The following KCNH1 variants were observed in gnomAD, a reference collection of about 807,000 sequenced individuals.
KCNH1 encodes the protein potassium voltage-gated channel subfamily H member 1, also known as voltage-gated delayed rectifier potassium channel KCNH1.
Under a neutral mutation model 69.2 loss-of-function variants are expected in KCNH1, and 27 were observed. The ratio of observed to expected loss-of-function variants is 0.39; its 90% CI spans 0.29 to 0.54. KCNH1 has a LOEUF of 0.54. KCNH1 is among the 20% of genes least tolerant of loss of function. The pLI is 0.68. For missense variants in KCNH1, 798 were observed against 1,261.6 expected (o/e 0.63, Z 5.57); for synonymous variants, 456 against 487.7 (o/e 0.93, Z 0.86).
At position 211,029,173 on chromosome 1, in the gene KCNH1, A is replaced by G. The variant is rs186884431; in HGVS notation, c.559-9917T>C. On this transcript the variant is annotated intron_variant, in intron 5 of 10. Coordinates refer to ENST00000271751, the MANE Select transcript of KCNH1 (RefSeq NM_172362.3). ...AGAGAGACCCCATCTCTACAAAAAA[A>G]AAAAAAAAAAAAGGTCAGGGGTGGT... Among the ~76,000 whole-genome samples the G allele has an allele frequency of 4.6e-3, 683 of 149,062 alleles. 11 individuals are homozygous for G. The highest frequency in any genetic ancestry group is 0.016 in the African/African-American group (651 of 40,596).
At chr1:210,709,742 AAG>A (rs35326611) in intron 10 of KCNH1, among the ~76,000 whole-genome samples, 143 of 144,730 alleles carry the variant, frequency 9.9e-4, no homozygotes, top group African/African-American at 1.8e-3. Flanking sequence ...GAGAGAGAGA[AAG>A]AGAGAGAGAG....
intron 10 of KCNH1, among the ~76,000 whole-genome samples, chr1:210,692,440 G>A (rs1003790508): frequency 2.0e-5 from 3 of 152,068 alleles, no homozygotes; most frequent in African/African-American, 4.8e-5. Flanking sequence ...GCTATCCTCC[G>A]GCATTTCACT....
intron 7 of KCNH1, among the ~76,000 whole-genome samples, chr1:210,834,679 T>C (rs149643440): frequency 0.042 from 4,586 of 109,122 alleles, 128 homozygotes; most frequent in South Asian, 0.053. Flanking sequence ...AAACTTAAAG[T>C]ATAATTAAAA....
chr1:210,707,508 C>T (rs141921603), intron 10 of KCNH1, among the ~76,000 whole-genome samples: 56 of 152,310 alleles, frequency 3.7e-4, no homozygotes, highest in African/African-American at 1.2e-3. Flanking sequence ...GCTCCCCCCA[C>T]GCTGTTTTTT....
At chr1:210,696,854 C>G (rs1290838147) in intron 10 of KCNH1, among the ~76,000 whole-genome samples, 1 of 152,190 alleles carries the variant, frequency 6.6e-6, no homozygotes, top group Non-Finnish European at 1.5e-5. Context: ...AGAGTTTTAT[C>G]CAAGTCTATC....
chr1:210,720,658 C>G (rs1446181503), intron 10 of KCNH1, among the ~76,000 whole-genome samples: 3 of 152,140 alleles, frequency 2.0e-5, no homozygotes, highest in African/African-American at 7.2e-5. Context: ...TCTACAAACT[C>G]TGGCCAAAAA....
At chr1:210,696,751 T>G (rs1462363261) in intron 10 of KCNH1, among the ~76,000 whole-genome samples, 5 of 152,206 alleles carry the variant, frequency 3.3e-5, no homozygotes, top group Non-Finnish European at 5.9e-5. Flanking sequence ...GTTTCTTCCT[T>G]GCTACTCAGT....
intron 6 of KCNH1, among the ~76,000 whole-genome samples, chr1:211,010,551 T>A (rs961083918): frequency 1.1e-4 from 16 of 152,218 alleles, no homozygotes; most frequent in African/African-American, 3.6e-4. Context: ...AGCACAGCCC[T>A]TTGCACATGT....
intron 6 of KCNH1, among the ~76,000 whole-genome samples, chr1:211,011,375 C>T (rs1689390981): frequency 6.6e-6 from 1 of 152,160 alleles, no homozygotes; most frequent in South Asian, 2.1e-4. Context: ...TCCAGTCTAT[C>T]ATTGATGGGA....
chr1:210,822,144 G>C (rs1684942272), intron 7 of KCNH1, among the ~76,000 whole-genome samples: 3 of 152,086 alleles, frequency 2.0e-5, no homozygotes, highest in Admixed American at 2.0e-4. Context: ...TGCTGTGAAG[G>C]GGTGCCCAGT....
At chr1:210,879,758 A>G (rs1015999389) in intron 7 of KCNH1, among the ~76,000 whole-genome samples, 1 of 152,114 alleles carries the variant, frequency 6.6e-6, no homozygotes, top group Non-Finnish European at 1.5e-5. Flanking sequence ...TAGCTAATGC[A>G]ATAAGATAAG....
chr1:211,054,745 AT>A (rs1690272049), intron 5 of KCNH1, among the ~76,000 whole-genome samples: 1 of 152,144 alleles, frequency 6.6e-6, no homozygotes, highest in African/African-American at 2.4e-5. Context: ...TACAAATGTA[AT>A]CTATAAAAGA....
intron 7 of KCNH1, among the ~76,000 whole-genome samples, chr1:210,889,328 A>C (rs1294204609): frequency 6.6e-6 from 1 of 152,130 alleles, no homozygotes; most frequent in Non-Finnish European, 1.5e-5. Context: ...CATAGATGCA[A>C]AAAAGGCCTT....
chr1:210,859,719 C>G (rs1462869369), intron 7 of KCNH1: 1 of 1,185,938 alleles, frequency 8.4e-7, no homozygotes, highest in Non-Finnish European at 1.3e-6. Context: ...GTCCAGAAAC[C>G]TGATTTAAAC....
intron 7 of KCNH1, among the ~76,000 whole-genome samples, chr1:210,866,878 T>A (rs528299535): frequency 6.6e-6 from 1 of 152,160 alleles, no homozygotes; most frequent in African/African-American, 2.4e-5. Context: ...CATCAACTGA[T>A]GAACAGATGA....
intron 7 of KCNH1, among the ~76,000 whole-genome samples, chr1:210,899,529 C>A (rs189110841): frequency 1.3e-5 from 2 of 151,866 alleles, no homozygotes; most frequent in South Asian, 4.2e-4. Context: ...CTCATACAAA[C>A]AAAAGCTCTT....
intron 5 of KCNH1, among the ~76,000 whole-genome samples, chr1:211,040,604 A>G (rs1268354873): frequency 6.6e-6 from 1 of 152,146 alleles, no homozygotes; most frequent in African/African-American, 2.4e-5. Context: ...GTATGTCTTT[A>G]TCAGCAGCAT....
chr1:211,058,416 A>C (rs1690355984), intron 5 of KCNH1, among the ~76,000 whole-genome samples: 1 of 152,310 alleles, frequency 6.6e-6, no homozygotes, highest in Non-Finnish European at 1.5e-5. Flanking sequence ...AAGACAGTAC[A>C]ATAAAATAAA....
intron 7 of KCNH1, among the ~76,000 whole-genome samples, chr1:210,908,640 G>A (rs1395904460): frequency 6.6e-6 from 1 of 152,152 alleles, no homozygotes; most frequent in Admixed American, 6.5e-5. Flanking sequence ...ACTTCTTAGA[G>A]TTTACTGTCG....
Sources: gnomAD v4.1 joint callset for allele counts (sites outside exome capture counted in the v4.1 genomes callset) on GRCh38, gnomAD v4.1.1 for gene constraint, MANE v1.5 for transcripts, NCBI Gene and HGNC (gene_info 2026-07-23, HGNC 2026-07-21) for gene names.